The following CLMP variants were observed in gnomAD, a reference collection of about 807,000 sequenced individuals.
The protein encoded by CLMP is CXADR like cell adhesion molecule.
Under a neutral mutation model 45.2 loss-of-function variants are expected in CLMP, and 27 were observed. The observed-to-expected ratio is 0.60, with a 90% CI of 0.44 to 0.82. The LOEUF is 0.82. Ranked by LOEUF, CLMP falls within the 40% of genes least tolerant of loss-of-function variation. CLMP has a pLI of 0.00. For missense variants in CLMP, 403 were observed against 448.4 expected (o/e 0.90, Z 0.91); for synonymous variants, 167 against 171.4 (o/e 0.97, Z 0.20).
intron 1 of CLMP, among the ~76,000 whole-genome samples, chr11:123,150,860 G>A (rs1472752828): frequency 2.0e-5 from 3 of 152,128 alleles, no homozygotes; most frequent in Non-Finnish European, 4.4e-5. Flanking sequence ...GGGATTACAG[G>A]CACATGCCAC....
chr11:123,083,605 T>G, intron 4 of CLMP, 75 bp downstream of exon 4: 11 of 1,472,924 alleles, frequency 7.5e-6, no homozygotes, highest in Non-Finnish European at 1.0e-5. Flanking sequence ...AGTGAGTTGC[T>G]GAGAAAGCTG....
chr11:123,116,473 C>A (rs1860721617), intron 1 of CLMP, among the ~76,000 whole-genome samples: 1 of 151,994 alleles, frequency 6.6e-6, no homozygotes, highest in African/African-American at 2.4e-5. Flanking sequence ...GAGACTGAGG[C>A]AGGAGAATCG....
intron 1 of CLMP, among the ~76,000 whole-genome samples, chr11:123,130,429 G>GT (rs1860968729): frequency 1.3e-5 from 2 of 152,274 alleles, no homozygotes; most frequent in African/African-American, 4.8e-5. Context: ...AAGGAAGAAA[G>GT]ATTATTTATC....
At chr11:123,156,646 G>A (rs1446076314) in intron 1 of CLMP, among the ~76,000 whole-genome samples, 4 of 152,164 alleles carry the variant, frequency 2.6e-5, no homozygotes, top group Admixed American at 2.0e-4. Flanking sequence ...AGAAGGAAGC[G>A]TCATTTGCGA....
chr11:123,100,350 C>T (rs1866040873), intron 1 of CLMP, among the ~76,000 whole-genome samples: 1 of 151,254 alleles, frequency 6.6e-6, no homozygotes. Flanking sequence ...CATTGCACTC[C>T]AGCCTGGGTG....
chr11:123,111,233 G>T (rs1200059423), intron 1 of CLMP, among the ~76,000 whole-genome samples: 2 of 151,984 alleles, frequency 1.3e-5, no homozygotes, highest in Non-Finnish European at 2.9e-5. Flanking sequence ...TCTGCCTCCT[G>T]GGTTCAAGTG....
intron 1 of CLMP, among the ~76,000 whole-genome samples, chr11:123,170,785 G>A (rs971835506): frequency 3.9e-5 from 6 of 152,226 alleles, no homozygotes; most frequent in African/African-American, 1.2e-4. Context: ...AGATCAGCTC[G>A]TTGTCATCCT....
chr11:123,077,611 C>T (rs894541474), intron 5 of CLMP, among the ~76,000 whole-genome samples: 1 of 152,136 alleles, frequency 6.6e-6, no homozygotes, highest in Admixed American at 6.6e-5. Flanking sequence ...CAGGTGTGAG[C>T]CACATGCCCA....
intron 1 of CLMP, among the ~76,000 whole-genome samples, chr11:123,151,526 G>T (rs1861337554): frequency 6.6e-6 from 1 of 152,144 alleles, no homozygotes. Flanking sequence ...TGTGTATCAG[G>T]TATACAAAAA....
rs950482254 is a variant in CLMP at position 123,084,809 on chromosome 11, C to T, written c.187-96G>A. The T allele has an allele frequency of 1.1e-5, 11 of 1,023,884 alleles. No individual in the cohort carries two copies. In the Admixed American group the frequency reaches 1.2e-4, roughly 11 times the overall value. 63.4% of individuals were successfully genotyped at this position (1,023,884 alleles called of 1,614,324 possible). ...AGGAAAGGGAGTACTCCCAGTGGCA[C>T]AAAGTAGTCAAGCCTGGGGCTGAGA... is the stretch of plus-strand genomic sequence containing the variant. On this transcript the variant is annotated intron_variant, in intron 2 of 6. Coordinates refer to ENST00000448775, the MANE Select transcript of CLMP (RefSeq NM_024769.5).
At chr11:123,177,870 T>G (rs1861718580) in intron 1 of CLMP, among the ~76,000 whole-genome samples, 1 of 152,172 alleles carries the variant, frequency 6.6e-6, no homozygotes, top group Non-Finnish European at 1.5e-5. Flanking sequence ...ATTTTATTAT[T>G]TTTAACACGG....
At chr11:123,087,155 T>C (rs571501596) in intron 2 of CLMP, among the ~76,000 whole-genome samples, 1 of 152,164 alleles carries the variant, frequency 6.6e-6, no homozygotes, top group South Asian at 2.1e-4. Context: ...CTGACCAACA[T>C]GGTGAAACCC....
intron 1 of CLMP, among the ~76,000 whole-genome samples, chr11:123,105,282 GCTGCCTACA>G (rs1860525867): frequency 6.6e-6 from 1 of 152,108 alleles, no homozygotes; most frequent in Non-Finnish European, 1.5e-5. Context: ...TCACATGACT[GCTGCCTACA>G]CTCAATTAAG....
At chr11:123,163,968 C>G (rs1861522088) in intron 1 of CLMP, among the ~76,000 whole-genome samples, 1 of 152,090 alleles carries the variant, frequency 6.6e-6, no homozygotes, top group African/African-American at 2.4e-5. Context: ...GACAATAGTG[C>G]CCACATTTTG....
At chr11:123,105,825 T>G (rs1043498696) in intron 1 of CLMP, among the ~76,000 whole-genome samples, 44 of 118,438 alleles carry the variant, frequency 3.7e-4, no homozygotes, top group African/African-American at 9.5e-4. Context: ...TGTTTTTTGT[T>G]TTTTTTTTTT....
At chr11:123,169,498 G>T (rs1861601597) in intron 1 of CLMP, among the ~76,000 whole-genome samples, 1 of 152,156 alleles carries the variant, frequency 6.6e-6, no homozygotes, top group South Asian at 2.1e-4. Flanking sequence ...AGGTCATCTT[G>T]TCCATCTTCC....
chr11:123,167,096 G>T (rs1272045495), intron 1 of CLMP, among the ~76,000 whole-genome samples: 1 of 152,156 alleles, frequency 6.6e-6, no homozygotes, highest in Non-Finnish European at 1.5e-5. Flanking sequence ...GCAGTGCTTG[G>T]CACATAGTAG....
chr11:123,126,751 G>A (rs904675609), intron 1 of CLMP, among the ~76,000 whole-genome samples: 2 of 152,046 alleles, frequency 1.3e-5, no homozygotes, highest in Non-Finnish European at 2.9e-5. Context: ...CAAAAAATTA[G>A]CCAGGCGTGG....
chr11:123,159,830 G>C (rs1188880044), intron 1 of CLMP, among the ~76,000 whole-genome samples: 1 of 152,198 alleles, frequency 6.6e-6, no homozygotes, highest in Non-Finnish European at 1.5e-5. Context: ...CCAAAAGGAA[G>C]AACAATGAGG....
Sources: allele counts gnomAD v4.1 joint callset (sites outside exome capture counted in the v4.1 genomes callset), GRCh38; gene constraint gnomAD v4.1.1; transcripts MANE v1.5; gene names NCBI Gene and HGNC (gene_info 2026-07-23, HGNC 2026-07-21).